The following RDX variants were observed in gnomAD, a reference collection of about 807,000 sequenced individuals.
RDX encodes the protein radixin, also known as deafness, autosomal recessive 24.
A neutral mutation model predicts 83.7 loss-of-function variants in RDX; 32 were observed. That is an observed-to-expected ratio of 0.38 (90% CI 0.29 to 0.51). RDX has a LOEUF of 0.51. Ranked by LOEUF, RDX falls within the 20% of genes least tolerant of loss-of-function variation. The pLI is 0.87. For missense variants in RDX, 600 were observed against 689.9 expected (o/e 0.87, Z 1.46); for synonymous variants, 229 against 222.7 (o/e 1.03, Z -0.25).
At chr11:110,240,850 T>C (rs906586124) in intron 10 of RDX, among the ~76,000 whole-genome samples, 2 of 148,950 alleles carry the variant, frequency 1.3e-5, no homozygotes, top group African/African-American at 2.5e-5. Context: ...AGGTCAGGAG[T>C]TCGAGACCAG....
At chr11:110,187,075 G>A (rs922660748) in intron 15 of RDX, among the ~76,000 whole-genome samples, 2 of 152,208 alleles carry the variant, frequency 1.3e-5, no homozygotes, top group Non-Finnish European at 2.9e-5. Context: ...AAAAAGATTT[G>A]TAGTCAGAGC....
chr11:110,270,123 C>CGT (rs371748018), intron 3 of RDX, among the ~76,000 whole-genome samples: 24 of 151,324 alleles, frequency 1.6e-4, no homozygotes, highest in Non-Finnish European at 3.1e-4. Flanking sequence ...TGCATGTGTG[C>CGT]GTGTGTGTGT....
At chr11:110,277,165 T>C (rs1034763645) in intron 2 of RDX, among the ~76,000 whole-genome samples, 1 of 152,188 alleles carries the variant, frequency 6.6e-6, no homozygotes, top group South Asian at 2.1e-4. Context: ...TTTGACTCTT[T>C]AAGGAACAAT....
chr11:110,295,718 G>GA (rs1207282234), intron 1 of RDX, among the ~76,000 whole-genome samples: 1 of 151,596 alleles, frequency 6.6e-6, no homozygotes, highest in Non-Finnish European at 1.5e-5. Context: ...TCCTTTAAAG[G>GA]AAAAGAGGGA....
chr11:110,242,093 G>A (rs1414243084), intron 10 of RDX, among the ~76,000 whole-genome samples: 46 of 152,134 alleles, frequency 3.0e-4, no homozygotes, highest in Admixed American at 3.0e-3. Context: ...TTATGTAGCT[G>A]GATAGTGGTG....
chr11:110,243,701 G>C (rs1158935444), intron 10 of RDX, among the ~76,000 whole-genome samples: 1 of 151,740 alleles, frequency 6.6e-6, no homozygotes, highest in Admixed American at 6.6e-5. Flanking sequence ...CTGCGTGACT[G>C]AGCAAGACCT....
intron 1 of RDX, among the ~76,000 whole-genome samples, chr11:110,280,741 C>A (rs1860727027): frequency 6.6e-6 from 1 of 152,200 alleles, no homozygotes; most frequent in South Asian, 2.1e-4. Flanking sequence ...GGTGAGAGGA[C>A]TGCTTAAGCC....
At chr11:110,221,338 C>A (rs143627000) in intron 14 of RDX, among the ~76,000 whole-genome samples, 15,840 of 152,132 alleles carry the variant, frequency 0.1, 1,001 homozygotes, top group Non-Finnish European at 0.13. Flanking sequence ...TAGCTCATGC[C>A]TGTAATCCCA....
chr11:110,271,944 C>A lies in RDX; in HGVS notation c.96+592G>T, dbSNP rs372059916. Among the ~76,000 whole-genome samples the A allele has an allele frequency of 1.4e-4, 21 of 152,278 alleles. No homozygotes were observed. In the South Asian group the frequency reaches 4.1e-3, roughly 30 times the overall value. ...ATGGAAAGTTCCACACCTAACCTAACGTGATGGGTCGCAGTCAAAACTCAG... is the reference window on the plus strand; with the variant it reads ...ATGGAAAGTTCCACACCTAACCTAAAGTGATGGGTCGCAGTCAAAACTCAG... On this transcript the variant is annotated intron_variant, in intron 3 of 13. Transcript: ENST00000645495.
At chr11:110,256,298 C>A (rs1859543221) in intron 7 of RDX, among the ~76,000 whole-genome samples, 1 of 152,120 alleles carries the variant, frequency 6.6e-6, no homozygotes, top group Admixed American at 6.6e-5. Flanking sequence ...ACAGCAGAGT[C>A]TTTTCTACAT....
At chr11:110,267,125 A>T (rs1278627323) in intron 3 of RDX, among the ~76,000 whole-genome samples, 1 of 151,302 alleles carries the variant, frequency 6.6e-6, no homozygotes, top group African/African-American at 2.4e-5. Context: ...GCTGGTCTTG[A>T]CCTCCTGAGC....
Position 110,181,162 on chromosome 11 carries a change from ATCT to A in RDX, c.*32-5931_*32-5929del. On this transcript the variant is annotated intron_variant, in intron 15 of 15. Coordinates refer to the RDX transcript ENST00000528498. ...CACACGCACACCAGCTCAGGGCTGC[ATCT>A]TTTTTTTTTTTTTTGAGACGGAGTC... Among the ~76,000 whole-genome samples, 4 of 81,790 alleles carry A rather than the reference ATCT, an allele frequency of 4.9e-5. No individual in the cohort carries two copies. In the South Asian group the frequency reaches 1.4e-3, roughly 29 times the overall value. The allele number at this position is 81,790 out of a possible 152,430, so 53.7% of individuals were successfully genotyped here.
At chr11:110,191,200 C>T (rs965084529) in intron 15 of RDX, among the ~76,000 whole-genome samples, 5 of 152,152 alleles carry the variant, frequency 3.3e-5, no homozygotes, top group South Asian at 4.1e-4. Context: ...AACAAAATAT[C>T]AGCAAATCAA....
intron 3 of RDX, among the ~76,000 whole-genome samples, chr11:110,268,958 A>G (rs1860177877): frequency 6.7e-6 from 1 of 149,696 alleles, no homozygotes; most frequent in Non-Finnish European, 1.5e-5. Flanking sequence ...TTAAAAATAC[A>G]TATTATATAT....
rs543545438 is a variant in RDX at position 110,231,252 on chromosome 11, T to TA, written c.*616dup. ...TCCAATAAGGTAATTAAATTTAGAT[T>TA]AAAAAAAAACTAAGCACCAGCTGTA... On this transcript the variant is annotated 3_prime_UTR_variant, in exon 14 of 14. Coordinates refer to ENST00000645495, the MANE Select transcript of RDX (RefSeq NM_002906.4). 7 of 152,188 alleles carry TA rather than the reference T, an allele frequency of 4.6e-5. No homozygotes were observed. Among genetic ancestry groups the TA allele is most frequent in the Non-Finnish European group, 7.3e-5 (5 of 68,330 alleles). The allele number at this position is 152,188 out of a possible 1,614,324, so 9.4% of individuals were successfully genotyped here. A position where few individuals can be genotyped will look rare whatever the true frequency, so the allele number is the denominator to read the frequency against.
intron 14 of RDX, among the ~76,000 whole-genome samples, chr11:110,220,916 G>A (rs1467839172): frequency 1.3e-5 from 2 of 149,868 alleles, no homozygotes; most frequent in Non-Finnish European, 3.0e-5. Flanking sequence ...TGAAAAAGCA[G>A]GGAAATTTGG....
intron 14 of RDX, among the ~76,000 whole-genome samples, chr11:110,206,989 T>G (rs1321729998): frequency 6.6e-6 from 1 of 151,914 alleles, no homozygotes; most frequent in Non-Finnish European, 1.5e-5. Flanking sequence ...TTTATTTTTT[T>G]TGTGGCATGG....
rs1033410900 is a variant in RDX, at chr11:110,215,375, AAT to A, written c.1749-15699_1749-15698del. 6.0e-3 allele frequency among the ~76,000 whole-genome samples: 325 copies of A among 54,182 alleles called. 4 individuals are homozygous for A. Among genetic ancestry groups the A allele is most frequent in the African/African-American group, 0.02 (306 of 15,124 alleles). The allele number at this position is 54,182 out of a possible 152,430, so 35.5% of individuals were successfully genotyped here. A position where few individuals can be genotyped will look rare whatever the true frequency, so the allele number is the denominator to read the frequency against. ...GAGACTCCATCTCAAAAAATAAATA[AAT>A]AAATAAATAAATAAATAAATAAATA... On this transcript the variant is annotated intron_variant, in intron 14 of 15. Coordinates refer to the RDX transcript ENST00000528498.
intron 3 of RDX, among the ~76,000 whole-genome samples, chr11:110,269,225 G>A (rs571348158): frequency 6.0e-4 from 91 of 152,128 alleles, no homozygotes; most frequent in African/African-American, 2.1e-3. Flanking sequence ...TAATCCTCCC[G>A]CCTTGGCCTC....
Sources: gnomAD v4.1 joint callset for allele counts (sites outside exome capture counted in the v4.1 genomes callset) on GRCh38, gnomAD v4.1.1 for gene constraint, MANE v1.5 for transcripts, NCBI Gene and HGNC (gene_info 2026-07-23, HGNC 2026-07-21) for gene names.